Variants in SLC25A48 observed in about 807,000 individuals in gnomAD.
The protein encoded by SLC25A48 is solute carrier family 25 member 48.
In SLC25A48, 29 loss-of-function variants were observed where a neutral mutation model predicts 32.2. That is an observed-to-expected ratio of 0.90 (90% CI 0.67 to 1.23). SLC25A48 has a LOEUF of 1.23. SLC25A48 is among the 50% of genes most tolerant of loss of function. The pLI is 0.00. For synonymous variants in SLC25A48, 164 were observed against 172.3 expected (o/e 0.95, Z 0.38); for missense variants, 399 against 422.7 (o/e 0.94, Z 0.49).
At chr5:135,732,029 A>G (rs1355528345) in intron 3 of SLC25A48, among the ~76,000 whole-genome samples, 2 of 152,274 alleles carry the variant, frequency 1.3e-5, no homozygotes, top group African/African-American at 4.8e-5. Flanking sequence ...GGGGCCTAAT[A>G]AAAAGGAGTG....
At chr5:135,773,287 A>G (rs184888870) in intron 3 of SLC25A48, among the ~76,000 whole-genome samples, 2 of 151,766 alleles carry the variant, frequency 1.3e-5, no homozygotes, top group Non-Finnish European at 1.5e-5. Flanking sequence ...TGGTATTACT[A>G]TCATCTTCTT....
At chr5:135,624,765 GT>G (rs1752406113) in intron 1 of SLC25A48, among the ~76,000 whole-genome samples, 2 of 152,204 alleles carry the variant, frequency 1.3e-5, no homozygotes, top group Admixed American at 1.3e-4. Flanking sequence ...GACAGTGATT[GT>G]TTTTGGCTGG....
intron 3 of SLC25A48, among the ~76,000 whole-genome samples, chr5:135,776,852 T>C (rs993002273): frequency 6.6e-6 from 1 of 151,876 alleles, no homozygotes; most frequent in Admixed American, 6.6e-5. Context: ...AAAATGTATA[T>C]ACAAACCCCT....
chr5:135,766,391 G>A (rs1414573487), intron 3 of SLC25A48, among the ~76,000 whole-genome samples: 1 of 151,398 alleles, frequency 6.6e-6, no homozygotes, highest in Non-Finnish European at 1.5e-5. Flanking sequence ...CCATGTCGGT[G>A]TATTGTACAC....
At chr5:135,860,833 T>C (rs1253662336) in intron 4 of SLC25A48, among the ~76,000 whole-genome samples, 1 of 152,134 alleles carries the variant, frequency 6.6e-6, no homozygotes, top group Non-Finnish European at 1.5e-5. Context: ...TCCTATGTGA[T>C]ATGAGAGACA....
chr5:135,605,304 T>C (rs1751908615), intron 1 of SLC25A48, among the ~76,000 whole-genome samples: 1 of 152,276 alleles, frequency 6.6e-6, no homozygotes, highest in Admixed American at 6.5e-5. Flanking sequence ...TGGTTCTAAA[T>C]GATGAGTACT....
chr5:135,640,401 T>A (rs189304383), intron 3 of SLC25A48, among the ~76,000 whole-genome samples: 73 of 152,198 alleles, frequency 4.8e-4, no homozygotes, highest in Non-Finnish European at 1.0e-4. Context: ...AAACATCAAC[T>A]TCAAAAGATC....
At chr5:135,785,763 C>T (rs1381189242) in intron 3 of SLC25A48, among the ~76,000 whole-genome samples, 1 of 148,856 alleles carries the variant, frequency 6.7e-6, no homozygotes, top group Admixed American at 6.6e-5. Flanking sequence ...TGAAACATCC[C>T]GCTTGCCCCA....
At chr5:135,631,490 C>A (rs1267492215) in intron 2 of SLC25A48, among the ~76,000 whole-genome samples, 2 of 152,224 alleles carry the variant, frequency 1.3e-5, no homozygotes, top group Middle Eastern at 3.2e-3. Context: ...CTCTGTGCAA[C>A]TGGCAGTATA....
intron 1 of SLC25A48, among the ~76,000 whole-genome samples, chr5:135,597,879 C>T (rs573092786): frequency 6.6e-6 from 1 of 152,256 alleles, no homozygotes; most frequent in African/African-American, 2.4e-5. Context: ...TGCTGCACGC[C>T]TGTAGTCCCA....
intron 3 of SLC25A48, chr5:135,649,315 A>C (rs1431232061): frequency 6.6e-6 from 1 of 152,228 alleles, no homozygotes; most frequent in Non-Finnish European, 1.5e-5. Context: ...ACTTGGTGTC[A>C]GTTGGCTAGG....
chr5:135,653,382 C>A (rs1297065846), intron 3 of SLC25A48, among the ~76,000 whole-genome samples: 4 of 152,114 alleles, frequency 2.6e-5, no homozygotes, highest in African/African-American at 9.7e-5. Flanking sequence ...ACTTCCATAC[C>A]CACTAGTAAA....
intron 3 of SLC25A48, among the ~76,000 whole-genome samples, chr5:135,730,183 A>C (rs1252548328): frequency 6.6e-6 from 1 of 152,204 alleles, no homozygotes; most frequent in African/African-American, 2.4e-5. Flanking sequence ...TAATTCCTAT[A>C]ACAAACCTCT....
At chr5:135,625,149 TG>T (rs766621807) in intron 1 of SLC25A48, among the ~76,000 whole-genome samples, 2 of 151,150 alleles carry the variant, frequency 1.3e-5, no homozygotes, top group Non-Finnish European at 3.0e-5. Context: ...CCCTGATAGG[TG>T]AGGGTGAGAT....
chr5:135,809,082 G>A (rs1272512001), intron 3 of SLC25A48, among the ~76,000 whole-genome samples: 3 of 151,908 alleles, frequency 2.0e-5, no homozygotes, highest in Non-Finnish European at 2.9e-5. Flanking sequence ...CGGGAGGATC[G>A]CTTGAGGCTA....
rs189368247 is a variant in SLC25A48 at position 135,759,873 on chromosome 5, A to G, written c.-520-52650A>G. Among the ~76,000 whole-genome samples the G allele has an allele frequency of 2.4e-3, 350 of 142,860 alleles. 2 individuals carry two copies. The highest frequency in any genetic ancestry group is 4.0e-3 in the Non-Finnish European group (268 of 66,676). 93.7% of individuals were successfully genotyped at this position (142,860 alleles called of 152,430 possible). ...GAGACAGAGTCTCACTCTGTCGCCCAGCCTGGAGTGCAATGGCACGATCTC... is the reference window on the plus strand; with the variant it reads ...GAGACAGAGTCTCACTCTGTCGCCCGGCCTGGAGTGCAATGGCACGATCTC... On this transcript the variant is annotated intron_variant, in intron 3 of 10. Transcript: ENST00000646290.
chr5:135,848,934 G>GA (rs1292519498), intron 2 of SLC25A48, among the ~76,000 whole-genome samples: 1 of 152,218 alleles, frequency 6.6e-6, no homozygotes, highest in African/African-American at 2.4e-5. Flanking sequence ...AGTAGGGTGA[G>GA]AGCGAAGGTG....
At chr5:135,734,825 A>AC (rs1253691181) in intron 3 of SLC25A48, among the ~76,000 whole-genome samples, 1 of 139,358 alleles carries the variant, frequency 7.2e-6, no homozygotes, top group Non-Finnish European at 1.6e-5. Flanking sequence ...TCAAAACAAA[A>AC]AAAAAAAAAA....
intron 3 of SLC25A48, among the ~76,000 whole-genome samples, chr5:135,721,192 C>CT (rs757412641): frequency 0.017 from 891 of 53,878 alleles, 221 homozygotes; most frequent in Middle Eastern, 0.021. Context: ...CATGCCTGGC[C>CT]TTTTTTTTTT....
Sources: gnomAD v4.1 joint callset for allele counts (sites outside exome capture counted in the v4.1 genomes callset) on GRCh38, gnomAD v4.1.1 for gene constraint, MANE v1.5 for transcripts, NCBI Gene and HGNC (gene_info 2026-07-23, HGNC 2026-07-21) for gene names.